Variants in MAGI2 observed in about 807,000 individuals in gnomAD.
MAGI2 encodes the protein membrane-associated guanylate kinase, WW and PDZ domain-containing protein 2.
A neutral mutation model predicts 133.3 loss-of-function variants in MAGI2; 35 were observed. The observed-to-expected ratio is 0.26, with a 90% confidence interval of 0.20 to 0.35. The LOEUF is 0.35. MAGI2 is among the 10% of genes least tolerant of loss of function. The pLI, the probability that MAGI2 is intolerant of heterozygous loss-of-function variation, is 1.00. For missense variants in MAGI2, 1,636 were observed against 1,863.4 expected (o/e 0.88, Z 2.25); for synonymous variants, 729 against 710.6 (o/e 1.03, Z -0.41).
intron 1 of MAGI2, among the ~76,000 whole-genome samples, chr7:79,107,346 A>T (rs73369344): frequency 0.055 from 8,346 of 152,250 alleles, 774 homozygotes; most frequent in African/African-American, 0.19. Context: ...GCAAGGAAAC[A>T]TAGACTTGGT....
intron 9 of MAGI2, among the ~76,000 whole-genome samples, chr7:78,313,558 T>C (rs1384771008): frequency 6.6e-6 from 1 of 151,816 alleles, no homozygotes; most frequent in Non-Finnish European, 1.5e-5. Context: ...TAAAAACAGT[T>C]ACAAACATTA....
At chr7:79,320,375 C>G (rs1031886625) in intron 1 of MAGI2, among the ~76,000 whole-genome samples, 8 of 152,078 alleles carry the variant, frequency 5.3e-5, no homozygotes, top group African/African-American at 1.9e-4. Flanking sequence ...ATCTAATTTT[C>G]TACAACCATA....
intron 6 of MAGI2, among the ~76,000 whole-genome samples, chr7:78,375,228 T>C (rs544232297): frequency 1.3e-5 from 2 of 152,276 alleles, no homozygotes; most frequent in South Asian, 4.1e-4. Flanking sequence ...TTGTTGTCTT[T>C]CTGCTCCCTA....
intron 6 of MAGI2, among the ~76,000 whole-genome samples, chr7:78,479,069 G>A (rs1352129342): frequency 6.6e-6 from 1 of 151,910 alleles, no homozygotes; most frequent in Non-Finnish European, 1.5e-5. Context: ...CACTGGTGAT[G>A]TCAGTGAACC....
At chr7:78,799,768 G>A (rs939508366) in intron 2 of MAGI2, among the ~76,000 whole-genome samples, 2 of 152,144 alleles carry the variant, frequency 1.3e-5, no homozygotes, top group Non-Finnish European at 2.9e-5. Flanking sequence ...AAGCTGTGCA[G>A]TGCTGTAGCT....
intron 1 of MAGI2, among the ~76,000 whole-genome samples, chr7:79,375,282 C>T (rs186266998): frequency 6.6e-6 from 1 of 151,958 alleles, no homozygotes; most frequent in Admixed American, 6.6e-5. Flanking sequence ...GGCATTAGGT[C>T]TCTAGATTGT....
chr7:78,821,263 A>G (rs1303218537), intron 2 of MAGI2, among the ~76,000 whole-genome samples: 1 of 152,072 alleles, frequency 6.6e-6, no homozygotes, highest in Non-Finnish European at 1.5e-5. Context: ...ATACATGCCT[A>G]CTATGTGCCA....
chr7:78,941,391 C>G (rs932073106), intron 2 of MAGI2, among the ~76,000 whole-genome samples: 1 of 152,086 alleles, frequency 6.6e-6, no homozygotes, highest in Non-Finnish European at 1.5e-5. Flanking sequence ...AGTTTGTCAC[C>G]CAGGCCAGAG....
chr7:79,190,769 C>T (rs1485180844), intron 1 of MAGI2, among the ~76,000 whole-genome samples: 2 of 151,772 alleles, frequency 1.3e-5, no homozygotes, highest in Non-Finnish European at 2.9e-5. Context: ...CTCTGGGATT[C>T]TATACACATT....
chr7:78,824,074 C>T (rs928365629), intron 2 of MAGI2, among the ~76,000 whole-genome samples: 1 of 152,104 alleles, frequency 6.6e-6, no homozygotes, highest in Non-Finnish European at 1.5e-5. Context: ...AAGGTTTAGG[C>T]ATTTGGTTAT....
chr7:79,441,931 T>C (rs564297034), intron 1 of MAGI2, among the ~76,000 whole-genome samples: 1 of 152,190 alleles, frequency 6.6e-6, no homozygotes, highest in African/African-American at 2.4e-5. Context: ...AATAAAAATG[T>C]AAACCATTCT....
At chr7:78,488,924 T>C (rs1319991756) in intron 6 of MAGI2, among the ~76,000 whole-genome samples, 2 of 152,084 alleles carry the variant, frequency 1.3e-5, no homozygotes, top group African/African-American at 4.8e-5. Flanking sequence ...TGCTGTTTTC[T>C]TCACCTTTAA....
chr7:78,123,601 A>G (rs1250389741), intron 20 of MAGI2, among the ~76,000 whole-genome samples: 2 of 152,212 alleles, frequency 1.3e-5, no homozygotes, highest in African/African-American at 2.4e-5. Flanking sequence ...GTGGGCAGGT[A>G]GCATCTACAG....
At chr7:78,461,383 CGTGTGTGTGCGTGTGTGTGTGT>C in intron 6 of MAGI2, among the ~76,000 whole-genome samples, 1 of 92,726 alleles carries the variant, frequency 1.1e-5, no homozygotes, top group Non-Finnish European at 2.2e-5. Context: ...TTCCTGGACA[CGTGTGTGTGCGTGTGTGTGTGT>C]GTGTGTGTGT....
At chr7:78,478,705 A>G (rs1792041488) in intron 6 of MAGI2, among the ~76,000 whole-genome samples, 1 of 151,948 alleles carries the variant, frequency 6.6e-6, no homozygotes, top group Non-Finnish European at 1.5e-5. Context: ...GACATTCACA[A>G]AAGACCCTGA....
At chr7:78,757,102 C>A (rs535288335) in intron 2 of MAGI2, among the ~76,000 whole-genome samples, 1 of 152,112 alleles carries the variant, frequency 6.6e-6, no homozygotes, top group Non-Finnish European at 1.5e-5. Flanking sequence ...CAGAAGAGAA[C>A]TTTTAGAAGT....
At chr7:78,408,726 A>C (rs963943976) in intron 6 of MAGI2, among the ~76,000 whole-genome samples, 2 of 152,122 alleles carry the variant, frequency 1.3e-5, no homozygotes, top group Non-Finnish European at 2.9e-5. Flanking sequence ...TTGAAGATGG[A>C]AAGTAAAATA....
At chr7:79,031,064 G>T (rs982853854) in intron 1 of MAGI2, among the ~76,000 whole-genome samples, 1 of 152,132 alleles carries the variant, frequency 6.6e-6, no homozygotes, top group Non-Finnish European at 1.5e-5. Context: ...TAGCAATCAT[G>T]TTCTTCATGA....
In MAGI2 at chr7:78,388,638, G is replaced by C. The variant is rs183488228; in HGVS notation, c.1046-19425C>G. 5.9e-5 allele frequency among the ~76,000 whole-genome samples: 9 copies of C among 152,308 alleles called. No homozygotes were observed. In the South Asian group the frequency reaches 8.3e-4, roughly 14 times the overall value. ...AATTGACATTAGCCATTTGGCCTCA[G>C]AAATGGAAGAGAGGACCTGATTTAT... On this transcript the variant is annotated intron_variant, in intron 6 of 21. Coordinates refer to ENST00000354212, the MANE Select transcript of MAGI2 (RefSeq NM_012301.4).
Sources: gnomAD v4.1 joint callset for allele counts (sites outside exome capture counted in the v4.1 genomes callset) on GRCh38, gnomAD v4.1.1 for gene constraint, MANE v1.5 for transcripts, NCBI Gene and HGNC (gene_info 2026-07-23, HGNC 2026-07-21) for gene names.